SERPINI2: variants seen among roughly 807,000 people sequenced by gnomAD.
The protein encoded by SERPINI2 is serpin I2.
In SERPINI2, 48 loss-of-function variants were observed where a neutral mutation model predicts 47.3. The ratio of observed to expected loss-of-function variants is 1.02; its 90% CI spans 0.81 to 1.29. The LOEUF is 1.29. Among genes scored for constraint, SERPINI2 ranks in the 50% most tolerant of loss-of-function variants. The pLI is 0.00. For synonymous variants in SERPINI2, 135 were observed against 149.3 expected, an observed-to-expected ratio of 0.90 and a Z score of 0.70; for missense variants, 448 against 456.9, an observed-to-expected ratio of 0.98 and a Z score of 0.18.
At chr3:167,472,022 A>G in intron 1 of SERPINI2, 178 bp from the exon 2 acceptor site, 1 of 526,768 alleles carries the variant, frequency 1.9e-6, no homozygotes, top group South Asian at 3.1e-5. Flanking sequence ...TCATGTGTTA[A>G]TGGTATTTCT....
rs1261353698 is a variant in SERPINI2, at chr3:167,442,873, T to C, written c.1142-688A>G. Among the ~76,000 whole-genome samples, 3 of 152,202 alleles carry C rather than the reference T, an allele frequency of 2.0e-5. No homozygotes were observed. The East Asian group carries it at 5.8e-4, about 29-fold the overall frequency. ...AAGAGAAGTGGCCTAAATCAATCAGTGTCAAATGTTGCCTTAAGTTCCTTA... is the reference window on the plus strand; with the variant it reads ...AAGAGAAGTGGCCTAAATCAATCAGCGTCAAATGTTGCCTTAAGTTCCTTA... On this transcript the variant is annotated intron_variant, in intron 8 of 8. Transcript: ENST00000264677.
intron 6 of SERPINI2, 46 bp from the exon 7 acceptor site, chr3:167,449,448 A>G (rs1214077081): frequency 8.6e-7 from 1 of 1,157,392 alleles, no homozygotes; most frequent in Admixed American, 2.0e-5. Context: ...AGTTAAAATC[A>G]AAAGCCGTTA....
intron 5 of SERPINI2, among the ~76,000 whole-genome samples, chr3:167,463,071 T>C (rs1238796644): frequency 6.6e-6 from 1 of 152,100 alleles, no homozygotes; most frequent in Non-Finnish European, 1.5e-5. Flanking sequence ...CAACTCAAAA[T>C]GGTCAAGTGA....
In SERPINI2 at chr3:167,442,899, T is replaced by TGG. The variant is rs1332603913; in HGVS notation, c.1142-715_1142-714insCC. On this transcript the variant is annotated intron_variant, in intron 8 of 8. Coordinates refer to ENST00000264677, the Ensembl canonical transcript of SERPINI2. ...GTCAAATGTTGCCTTAAGTTCCTTA[T>TGG]GCTCGGATGTCATAAAGGTTAATTT... 2.8e-4 allele frequency among the ~76,000 whole-genome samples: 42 copies of TGG among 152,222 alleles called. 1 individual carries two copies. The highest frequency in any genetic ancestry group is 2.7e-3 in the Admixed American group (42 of 15,288).
At chr3:167,460,167 T>C (rs1347981415) in intron 5 of SERPINI2, among the ~76,000 whole-genome samples, 1 of 152,194 alleles carries the variant, frequency 6.6e-6, no homozygotes, top group Non-Finnish European at 1.5e-5. Context: ...TCTAGGAAAT[T>C]AATGAAGTTG....
At chr3:167,458,995 C>T (rs1749897486) in intron 5 of SERPINI2, among the ~76,000 whole-genome samples, 1 of 151,964 alleles carries the variant, frequency 6.6e-6, no homozygotes, top group Non-Finnish European at 1.5e-5. Context: ...ACTATATTTT[C>T]AGAATGATTC....
At chr3:167,475,490 C>T (rs1247210759), upstream of SERPINI2, among the ~76,000 whole-genome samples, 4 of 151,768 alleles carry the variant, frequency 2.6e-5, no homozygotes, top group East Asian at 7.7e-4. Context: ...CCTACTAAGA[C>T]CATTTAATGA....
chr3:167,449,739 C>T (rs1004944509), intron 6 of SERPINI2, among the ~76,000 whole-genome samples: 6 of 152,162 alleles, frequency 3.9e-5, no homozygotes, highest in East Asian at 1.9e-4. Flanking sequence ...GTGATCCACC[C>T]GCCTTGGCCT....
At chr3:167,458,788 T>A (rs1312400096) in intron 5 of SERPINI2, among the ~76,000 whole-genome samples, 2 of 152,186 alleles carry the variant, frequency 1.3e-5, no homozygotes, top group Middle Eastern at 3.2e-3. Flanking sequence ...TCAATACTCA[T>A]TGAATGGCAA....
intron 6 of SERPINI2, among the ~76,000 whole-genome samples, chr3:167,450,441 G>A (rs1749610841): frequency 6.6e-6 from 1 of 152,112 alleles, no homozygotes; most frequent in Admixed American, 6.5e-5. Flanking sequence ...ATGTCAAGCT[G>A]GCCTTGCAAG....
At chr3:167,462,961 A>G (rs569681837) in intron 5 of SERPINI2, among the ~76,000 whole-genome samples, 1 of 152,284 alleles carries the variant, frequency 6.6e-6, no homozygotes, top group Admixed American at 6.5e-5. Context: ...GAAAGCCTGT[A>G]TTTCTTCCTG....
chr3:167,450,192 G>A (rs1245859029), intron 6 of SERPINI2, among the ~76,000 whole-genome samples: 2 of 152,218 alleles, frequency 1.3e-5, no homozygotes, highest in African/African-American at 4.8e-5. Flanking sequence ...GAAATTCTAA[G>A]GAACTTCTGT....
At chr3:167,453,559 G>A (rs774742681) in intron 5 of SERPINI2, among the ~76,000 whole-genome samples, 8 of 151,714 alleles carry the variant, frequency 5.3e-5, no homozygotes, top group Non-Finnish European at 1.0e-4. Flanking sequence ...TTTAGTGTAT[G>A]GACAGGCCTA....
chr3:167,465,809 A>C (rs923863733), intron 3 of SERPINI2, 136 bp from the exon 4 acceptor site: 2 of 646,132 alleles, frequency 3.1e-6, no homozygotes, highest in Admixed American at 6.6e-5. Flanking sequence ...TAAATATGGT[A>C]ATTTTGAGAA....
chr3:167,458,745 G>T (rs1010216940), intron 5 of SERPINI2, among the ~76,000 whole-genome samples: 2 of 152,158 alleles, frequency 1.3e-5, no homozygotes, highest in African/African-American at 4.8e-5. Context: ...ATAAGGCTGT[G>T]ACCCAATAGA....
intron 5 of SERPINI2, among the ~76,000 whole-genome samples, chr3:167,464,938 T>C (rs970438512): frequency 6.6e-6 from 1 of 152,198 alleles, no homozygotes; most frequent in African/African-American, 2.4e-5. Context: ...AATAATTCCT[T>C]CTAATCCCAA....
intron 7 of SERPINI2, chr3:167,446,688 A>G (rs2108150783): frequency 2.9e-6 from 1 of 346,526 alleles, no homozygotes; most frequent in South Asian, 6.5e-5. Flanking sequence ...CACTCACAGA[A>G]TAATTCTAAC....
At chr3:167,463,799 T>A (rs1325023816) in intron 5 of SERPINI2, among the ~76,000 whole-genome samples, 1 of 151,984 alleles carries the variant, frequency 6.6e-6, no homozygotes, top group African/African-American at 2.4e-5. Context: ...GGCACACTTG[T>A]TGGAAGTAAG....
chr3:167,448,555 C>T (rs1247816314), intron 7 of SERPINI2, among the ~76,000 whole-genome samples: 1 of 151,930 alleles, frequency 6.6e-6, no homozygotes, highest in African/African-American at 2.4e-5. Flanking sequence ...TGGAGTCTCG[C>T]TCTGTTGCCC....
Sources: gnomAD v4.1 joint callset for allele counts (sites outside exome capture counted in the v4.1 genomes callset) on GRCh38, gnomAD v4.1.1 for gene constraint, MANE v1.5 for transcripts, NCBI Gene and HGNC (gene_info 2026-07-23, HGNC 2026-07-21) for gene names.